The following SORCS1 variants were observed in gnomAD, a reference collection of about 807,000 sequenced individuals.
The protein encoded by SORCS1 is sortilin related VPS10 domain containing receptor 1.
SORCS1 carries 60 observed loss-of-function variants against 146.1 expected under a neutral mutation model. The ratio of observed to expected loss-of-function variants is 0.41; its 90% CI spans 0.33 to 0.51. The LOEUF is 0.51. Among genes scored for constraint, SORCS1 ranks in the 20% least tolerant of loss-of-function variants. The pLI is 0.21. For missense variants in SORCS1, 1,352 were observed against 1,487.6 expected (o/e 0.91, Z 1.50); for synonymous variants, 637 against 584.0 (o/e 1.09, Z -1.31).
At chr10:106,791,250 G>A (rs868262203) in intron 3 of SORCS1, among the ~76,000 whole-genome samples, 10 of 152,128 alleles carry the variant, frequency 6.6e-5, no homozygotes, top group Non-Finnish European at 1.5e-4. Flanking sequence ...TGGTGATATA[G>A]TATTGATTGT....
chr10:107,167,729 TTTAA>T (rs1214576052), upstream of SORCS1, among the ~76,000 whole-genome samples: 12 of 152,190 alleles, frequency 7.9e-5, no homozygotes, highest in Admixed American at 7.2e-4. Flanking sequence ...TGCTAAAATA[TTTAA>T]TTATTGATTA....
chr10:106,667,925 A>G (rs199842640), intron 16 of SORCS1, 123 bp from the exon 17 acceptor site: 2 of 240 alleles, frequency 8.3e-3, no homozygotes, highest in Non-Finnish European at 0.14. Flanking sequence ...AAATAAAAAC[A>G]AAAAAAAAAA....
chr10:106,920,688 G>T (rs1461188342), intron 2 of SORCS1, among the ~76,000 whole-genome samples: 1 of 152,202 alleles, frequency 6.6e-6, no homozygotes, highest in Non-Finnish European at 1.5e-5. Flanking sequence ...GGAAGTGAGG[G>T]CTGTTCTTTT....
chr10:107,030,292 T>G (rs77592473), intron 1 of SORCS1, among the ~76,000 whole-genome samples: 10,012 of 152,244 alleles, frequency 0.066, 909 homozygotes, highest in African/African-American at 0.2. Flanking sequence ...AAGTACTCTA[T>G]ATCCATCATC....
chr10:106,640,359 A>C (rs1848996353), intron 18 of SORCS1, among the ~76,000 whole-genome samples: 1 of 152,254 alleles, frequency 6.6e-6, no homozygotes, highest in Non-Finnish European at 1.5e-5. Flanking sequence ...ATCTCACAAA[A>C]GTGATAATCA....
chr10:106,595,279 C>T (rs969764857), intron 24 of SORCS1, among the ~76,000 whole-genome samples: 8 of 152,170 alleles, frequency 5.3e-5, no homozygotes, highest in Non-Finnish European at 1.2e-4. Context: ...TTGCTTGGCC[C>T]AGCGTAGGCA....
chr10:106,673,502 A>C (rs1177956277), intron 14 of SORCS1, among the ~76,000 whole-genome samples: 1 of 152,226 alleles, frequency 6.6e-6, no homozygotes. Flanking sequence ...TTAACATTGC[A>C]AAAACAAAAT....
chr10:106,574,709 G>C lies in SORCS1; in HGVS notation c.*2711C>G, dbSNP rs1453860556. On this transcript the variant is annotated 3_prime_UTR_variant, in exon 26 of 26. Transcript: ENST00000263054. The stretch of plus-strand genomic sequence containing the variant: ...AAGTGATAGTGATACTGCTGATCCA[G>C]GTACCACACTTTGAGAACAACTGGC... The C allele has an allele frequency of 6.6e-6, 1 of 152,136 alleles. No individual in the cohort carries two copies. Among genetic ancestry groups the C allele is most frequent in the Non-Finnish European group, 1.5e-5 (1 of 68,026 alleles). 9.4% of individuals were successfully genotyped at this position (152,136 alleles called of 1,614,324 possible).
intron 18 of SORCS1, among the ~76,000 whole-genome samples, chr10:106,638,083 C>A (rs1848835158): frequency 6.6e-6 from 1 of 152,172 alleles, no homozygotes; most frequent in South Asian, 2.1e-4. Flanking sequence ...ACCCATTGCA[C>A]TTTGGAAGCA....
chr10:106,945,219 G>A (rs1954271041), intron 2 of SORCS1, among the ~76,000 whole-genome samples: 1 of 152,058 alleles, frequency 6.6e-6, no homozygotes, highest in Non-Finnish European at 1.5e-5. Context: ...GATACGAATG[G>A]CTTCTTAAAA....
At chr10:106,893,547 T>C (rs1361643227) in intron 2 of SORCS1, among the ~76,000 whole-genome samples, 3 of 152,208 alleles carry the variant, frequency 2.0e-5, no homozygotes, top group African/African-American at 4.8e-5. Context: ...AATAAATCAA[T>C]GCGGTATAAT....
chr10:106,989,308 A>AG (rs141940829), intron 1 of SORCS1, among the ~76,000 whole-genome samples: 29,499 of 142,110 alleles, frequency 0.21, 4,277 homozygotes, highest in Middle Eastern at 0.3. Context: ...GAATACTCCA[A>AG]TGCCTTTCCT....
chr10:107,023,435 A>G lies in SORCS1; in HGVS notation c.559-66855T>C, dbSNP rs182972546. Reference sequence around the variant, plus strand: ...TTTTAGCACTGCAGAATTTTAGTCAATATATACCCTTATTTTTCATGCACC... The same window carrying G: ...TTTTAGCACTGCAGAATTTTAGTCAGTATATACCCTTATTTTTCATGCACC... On this transcript the variant is annotated intron_variant, in intron 1 of 25. Transcript: ENST00000263054. Among the ~76,000 whole-genome samples, 218 of 152,306 alleles carry G rather than the reference A, an allele frequency of 1.4e-3. 1 individual carries two copies. The highest frequency in any genetic ancestry group is 5.1e-3 in the African/African-American group (211 of 41,560).
intron 8 of SORCS1, among the ~76,000 whole-genome samples, chr10:106,705,176 G>A (rs1854429611): frequency 6.6e-6 from 1 of 152,060 alleles, no homozygotes; most frequent in Non-Finnish European, 1.5e-5. Context: ...CATACATACA[G>A]TTCTGGATAA....
chr10:106,706,191 G>GAAGAAAGA (rs147485512), intron 8 of SORCS1, among the ~76,000 whole-genome samples: 2 of 39,084 alleles, frequency 5.1e-5, no homozygotes, highest in African/African-American at 4.4e-5. Flanking sequence ...CAGAGACAGA[G>GAAGAAAGA]AAGAAAGAAA....
At chr10:106,599,520 T>C (rs1846111105) in intron 23 of SORCS1, among the ~76,000 whole-genome samples, 1 of 152,146 alleles carries the variant, frequency 6.6e-6, no homozygotes, top group Non-Finnish European at 1.5e-5. Flanking sequence ...AATCAGACAG[T>C]GGAGTTTTTA....
At chr10:107,150,949 TTATTAGC>T (rs1774573541) in intron 1 of SORCS1, among the ~76,000 whole-genome samples, 1 of 152,202 alleles carries the variant, frequency 6.6e-6, no homozygotes, top group African/African-American at 2.4e-5. Flanking sequence ...GGGTATATCT[TTATTAGC>T]AGCATGAGAA....
chr10:106,856,028 A>AT (rs34770451), intron 2 of SORCS1, among the ~76,000 whole-genome samples: 226 of 140,962 alleles, frequency 1.6e-3, no homozygotes, highest in Middle Eastern at 3.7e-3. Context: ...GAGACACAAC[A>AT]TTTTTTTTTT....
At chr10:106,805,692 A>G (rs1279800907) in intron 3 of SORCS1, among the ~76,000 whole-genome samples, 2 of 152,156 alleles carry the variant, frequency 1.3e-5, no homozygotes, top group Non-Finnish European at 2.9e-5. Flanking sequence ...CCTATATGGT[A>G]TCTGGATGTG....
Sources: allele counts gnomAD v4.1 joint callset (sites outside exome capture counted in the v4.1 genomes callset), GRCh38; gene constraint gnomAD v4.1.1; transcripts MANE v1.5; gene names NCBI Gene and HGNC (gene_info 2026-07-23, HGNC 2026-07-21).